The following ZNF224 variants were observed in gnomAD, a reference collection of about 807,000 sequenced individuals.
ZNF224 encodes the protein bone marrow zinc finger 2.
ZNF224 carries 8 observed loss-of-function variants against 10.5 expected under a neutral mutation model. That is an observed-to-expected ratio of 0.76 (90% CI 0.45 to 1.37). The LOEUF is 1.37. Among genes scored for constraint, ZNF224 ranks in the 40% most tolerant of loss-of-function variants. ZNF224 has a pLI of 0.00. For missense variants in ZNF224, 754 were observed against 854.0 expected (o/e 0.88, Z 1.46); for synonymous variants, 282 against 287.8 (o/e 0.98, Z 0.20).
chr19:44,095,901 C>A (rs1599659181), intron 1 of ZNF224: 2 of 135,362 alleles, frequency 1.5e-5, no homozygotes, highest in South Asian at 4.5e-4. Flanking sequence ...CCAGTCTGGG[C>A]GACAGTGCGA....
At position 44,108,344 on chromosome 19, in the gene ZNF224, G is replaced by A; in HGVS notation, c.*60G>A. 1 of 1,504,146 alleles carries A rather than the reference G, an allele frequency of 6.6e-7. No individual in the cohort carries two copies. Among genetic ancestry groups the A allele is most frequent in the East Asian group, 2.3e-5 (1 of 44,164 alleles). 93.2% of individuals were successfully genotyped at this position (1,504,146 alleles called of 1,614,324 possible). A position where few individuals can be genotyped will look rare whatever the true frequency, so the allele number is the denominator to read the frequency against. On this transcript the variant is annotated 3_prime_UTR_variant, in exon 6 of 6. Coordinates refer to ENST00000693561, the MANE Select transcript of ZNF224 (RefSeq NM_001321645.3). ...TTCATGAATGCAGTCTCATCTGAAA[G>A]TTCACAAAGGAGAGACACATTAAAA...
Position 44,108,719 on chromosome 19 carries a change from C to T in ZNF224, c.*435C>T. 1 of 517,216 alleles carries T rather than the reference C, an allele frequency of 1.9e-6. No homozygotes were observed. The highest frequency in any genetic ancestry group is 1.4e-5 in the South Asian group (1 of 71,464). 32.0% of individuals were successfully genotyped at this position (517,216 alleles called of 1,614,324 possible). On this transcript the variant is annotated 3_prime_UTR_variant, in exon 6 of 6. Transcript: ENST00000693561. ...GTCTTTGCTGCTAAGTCGTCACAGC[C>T]TTAACATTGATTAGCACTTTGTATG...
chr19:44,098,497 C>G (rs1215677190), intron 3 of ZNF224, among the ~76,000 whole-genome samples: 1 of 152,206 alleles, frequency 6.6e-6, no homozygotes, highest in East Asian at 1.9e-4. Flanking sequence ...TTCCCCCATG[C>G]CTGAGTCATG....
rs541322264 is a variant in ZNF224 at position 44,095,061 on chromosome 19, C to T, written c.-158+531C>T. The T allele has an allele frequency of 1.2e-3, 265 of 219,044 alleles. 3 individuals are homozygous for T. The South Asian group carries it at 0.02, about 17-fold the overall frequency. The allele number at this position is 219,044 out of a possible 1,614,324, so 13.6% of individuals were successfully genotyped here. Reference sequence around the variant, plus strand: ...ATTTAACTTTTATGGGGGACGGCGACGCGGTCAAGGTGTTTCACAGCTTTC... The same window carrying T: ...ATTTAACTTTTATGGGGGACGGCGATGCGGTCAAGGTGTTTCACAGCTTTC... On this transcript the variant is annotated intron_variant, in intron 1 of 5. Transcript: ENST00000693561.
In ZNF224 at chr19:44,100,718, C is replaced by T. The variant is rs1967530824; in HGVS notation, c.16-83C>T. 6 of 1,510,796 alleles carry T rather than the reference C, an allele frequency of 4.0e-6. No individual in the cohort carries two copies. In the Admixed American group the frequency reaches 1.2e-4, roughly 31 times the overall value. The allele number at this position is 1,510,796 out of a possible 1,614,324, so 93.6% of individuals were successfully genotyped here. On this transcript the variant is annotated intron_variant, in intron 3 of 5. Coordinates refer to ENST00000693561, the MANE Select transcript of ZNF224 (RefSeq NM_001321645.3). ...TCAAGATCCAAAACAACTTCCCACC[C>T]CTCCCCTCTGTCTGCTCAGTGCCAC...
chr19:44,101,109 G>A, intron 4 of ZNF224, 24 bp from the exon 5 acceptor site: 5 of 1,613,376 alleles, frequency 3.1e-6, no homozygotes, highest in Non-Finnish European at 4.2e-6. Flanking sequence ...TTGGGATTAA[G>A]CATGTAAGTT....
intron 3 of ZNF224, among the ~76,000 whole-genome samples, chr19:44,098,754 T>C (rs924781062): frequency 6.6e-6 from 1 of 152,128 alleles, no homozygotes; most frequent in African/African-American, 2.4e-5. Context: ...TAATTTTGTA[T>C]TTTTAGTAGA....
chr19:44,105,060 C>A lies in ZNF224; in HGVS notation c.236-1336C>A, dbSNP rs777919506. Among the ~76,000 whole-genome samples, 4 of 152,206 alleles carry A rather than the reference C, an allele frequency of 2.6e-5. No homozygotes were observed. In the South Asian group the frequency reaches 8.3e-4, roughly 32 times the overall value. On this transcript the variant is annotated intron_variant, in intron 5 of 5. Coordinates refer to ENST00000693561, the MANE Select transcript of ZNF224 (RefSeq NM_001321645.3). ...TAGTCAGTCTCCTGGGCCACTGATTCCATGTAACCTAAAGCCTCACCTTAA... is the reference window on the plus strand; with the variant it reads ...TAGTCAGTCTCCTGGGCCACTGATTACATGTAACCTAAAGCCTCACCTTAA...
intron 5 of ZNF224, among the ~76,000 whole-genome samples, chr19:44,102,540 A>C (rs1379537173): frequency 6.6e-6 from 1 of 152,226 alleles, no homozygotes; most frequent in East Asian, 1.9e-4. Flanking sequence ...AACTACGGTG[A>C]AAGAGAGATA....
At chr19:44,097,734 A>T in intron 2 of ZNF224, 72 bp from the exon 3 acceptor site, 2 of 854,676 alleles carry the variant, frequency 2.3e-6, no homozygotes, top group East Asian at 4.9e-5. Context: ...CACAATACAC[A>T]TCCCTGTTGG....
chr19:44,097,985 CAG>C, intron 3 of ZNF224, 97 bp downstream of exon 3: 1 of 1,396,622 alleles, frequency 7.2e-7, no homozygotes, highest in Non-Finnish European at 1.0e-6. Flanking sequence ...AGGAGAAAAA[CAG>C]ACATTTGAGG....
intron 5 of ZNF224, among the ~76,000 whole-genome samples, chr19:44,102,549 T>G (rs1201756921): frequency 6.6e-6 from 1 of 152,206 alleles, no homozygotes; most frequent in African/African-American, 2.4e-5. Context: ...GAAAGAGAGA[T>G]ATTGCAGAAC....
At chr19:44,104,226 ATAAAAT>A (rs66539048) in intron 5 of ZNF224, among the ~76,000 whole-genome samples, 5,581 of 152,290 alleles carry the variant, frequency 0.037, 124 homozygotes, top group South Asian at 0.063. Context: ...CTACAGAAAA[ATAAAAT>A]TAAAGATACA....
rs1488920597 is a variant in ZNF224, at chr19:44,107,802, A to C, written c.1642A>C (p.Ser548Arg). The C allele has an allele frequency of 7.5e-6, 12 of 1,601,590 alleles. No individual in the cohort carries two copies. Among genetic ancestry groups the C allele is most frequent in the Non-Finnish European group, 1.0e-5 (12 of 1,172,516 alleles). Residue 548 changes from serine to arginine, a missense_variant, in exon 6 of 6, where the codon AGT (serine) becomes CGT (arginine). By Grantham distance (110) the Ser-to-Arg change is moderately radical. Coordinates refer to ENST00000693561, the MANE Select transcript of ZNF224 (RefSeq NM_001321645.3). ...ATACAATTGTAAGGAATGTGGGAAG[A>C]GTTTTGGCTGGGCCTCGTGTCTTTT... is the stretch of plus-strand genomic sequence containing the variant. ...RPYNCKECGK[S>R]FGWASCLLKH...
At position 44,107,564 on chromosome 19, in the gene ZNF224, C is replaced by G. The variant is rs1156374674; in HGVS notation, c.1404C>G (p.Ala468=). The G allele has an allele frequency of 5.6e-6, 9 of 1,613,312 alleles. No homozygotes were observed. Among genetic ancestry groups the G allele is most frequent in the African/African-American group, 1.3e-5 (1 of 74,732 alleles). ...AATGTGGGAAGAGCTTTAGTCGGGC[C>G]CCATGTCTTTTGAAACATGAGAGAC... ...CKECGKSFSR[A]PCLLKHERLH... is the part of the protein sequence containing the mutation. The change falls in exon 6 of 6, where the codon GCC becomes GCG. Residue 468 remains alanine (A), a synonymous_variant. Transcript: ENST00000693561.
At position 44,095,025 on chromosome 19, in the gene ZNF224, G is replaced by A. The variant is rs149488239; in HGVS notation, c.-158+495G>A. The A allele has an allele frequency of 3.6e-4, 75 of 207,760 alleles. No homozygotes were observed. In the East Asian group the frequency reaches 7.6e-3, roughly 21 times the overall value. 12.9% of individuals were successfully genotyped at this position (207,760 alleles called of 1,614,324 possible). On this transcript the variant is annotated intron_variant, in intron 1 of 5. Coordinates refer to ENST00000693561, the MANE Select transcript of ZNF224 (RefSeq NM_001321645.3). ...CGAGGGTTGCGTCCACTTTCATGAA[G>A]GGAAAGGAGCATTTAACTTTTATGG... is the stretch of plus-strand genomic sequence containing the variant.
rs1599667446 is a variant in ZNF224 at position 44,108,308 on chromosome 19, T to C, written c.*24T>C. ...AGTGATGTGATGGTGCAATAAAGTC[T>C]TCACTCAGTCTTCATGAATGCAGTC... On this transcript the variant is annotated 3_prime_UTR_variant, in exon 6 of 6. Transcript: ENST00000693561. 1.3e-6 allele frequency: 2 copies of C among 1,579,774 alleles called. No homozygotes were observed. The highest frequency in any genetic ancestry group is 2.2e-5 in the East Asian group (1 of 44,618).
intron 5 of ZNF224, chr19:44,105,549 A>T (rs1967639084): frequency 6.6e-6 from 1 of 152,144 alleles, no homozygotes; most frequent in Non-Finnish European, 1.5e-5. Flanking sequence ...ATTAAAGTAT[A>T]TACTGGTTTT....
intron 3 of ZNF224, among the ~76,000 whole-genome samples, chr19:44,100,427 A>G (rs943871231): frequency 2.6e-5 from 4 of 152,196 alleles, no homozygotes; most frequent in Non-Finnish European, 5.9e-5. Context: ...GAGGAAGACA[A>G]TGGGCATTAT....
Sources: allele counts gnomAD v4.1 joint callset (sites outside exome capture counted in the v4.1 genomes callset), GRCh38; gene constraint gnomAD v4.1.1; transcripts MANE v1.5; gene names NCBI Gene and HGNC (gene_info 2026-07-23, HGNC 2026-07-21).